Variants in RYR2 observed in about 807,000 individuals in gnomAD.
RYR2 encodes ryanodine receptor 2.
In RYR2, 227 loss-of-function variants were observed where a neutral mutation model predicts 601.1. That is an observed-to-expected ratio of 0.38 (90% CI 0.34 to 0.42). The LOEUF is 0.42. Among genes scored for constraint, RYR2 ranks in the 10% least tolerant of loss-of-function variants. RYR2 has a pLI of 1.00. For synonymous variants in RYR2, 2,223 were observed against 2,175.1 expected (o/e 1.02, Z -0.61); for missense variants, 4,646 against 6,156.5 (o/e 0.75, Z 8.21).
At chr1:237,760,006 T>C (rs1487361146) in intron 83 of RYR2, among the ~76,000 whole-genome samples, 154 bp downstream of exon 83, 1 of 152,122 alleles carries the variant, frequency 6.6e-6, no homozygotes, top group Non-Finnish European at 1.5e-5. Flanking sequence ...GTTTTCTATC[T>C]TGTTTTAAGG....
At chr1:237,438,278 C>G (rs1326271215) in intron 12 of RYR2, among the ~76,000 whole-genome samples, 1 of 151,994 alleles carries the variant, frequency 6.6e-6, no homozygotes, top group Non-Finnish European at 1.5e-5. Context: ...GGATCTGGGC[C>G]ATCTTTGCAT....
At chr1:237,507,546 G>A (rs986626515) in intron 23 of RYR2, among the ~76,000 whole-genome samples, 3 of 152,096 alleles carry the variant, frequency 2.0e-5, no homozygotes, top group African/African-American at 7.2e-5. Context: ...TTATTGCATT[G>A]AGCTCTGAAT....
At position 237,614,945 on chromosome 1, in the gene RYR2, C is replaced by A; in HGVS notation, c.5715+102C>A. 1 of 1,194,514 alleles carries A rather than the reference C, an allele frequency of 8.4e-7. No individual in the cohort carries two copies. Among genetic ancestry groups the A allele is most frequent in the Non-Finnish European group, 1.2e-6 (1 of 867,980 alleles). The allele number at this position is 1,194,514 out of a possible 1,614,324, so 74.0% of individuals were successfully genotyped here. On this transcript the variant is annotated intron_variant, in intron 37 of 104. Transcript: ENST00000366574. The surrounding 1 kb of genome is among the most constrained non-coding windows in gnomAD (Gnocchi z 4.3). The stretch of plus-strand genomic sequence containing the variant: ...CTCTGTGTGTGTGTTTATTTCTTTG[C>A]ATTCCTGTGTAATGGTAGTTCTTCA...
intron 101 of RYR2, among the ~76,000 whole-genome samples, chr1:237,824,416 A>G (rs200849766): frequency 6.6e-4 from 101 of 152,336 alleles, no homozygotes; most frequent in East Asian, 9.6e-4. Flanking sequence ...AACAGAACCA[A>G]TGACAAAAAC....
At chr1:237,243,749 A>C (rs1686465557) in intron 1 of RYR2, among the ~76,000 whole-genome samples, 1 of 152,208 alleles carries the variant, frequency 6.6e-6, no homozygotes, top group South Asian at 2.1e-4. Context: ...CTGTTTCTTG[A>C]GGCCTGCTCC....
intron 101 of RYR2, among the ~76,000 whole-genome samples, chr1:237,823,417 T>C (rs1380723427): frequency 6.6e-6 from 1 of 152,154 alleles, no homozygotes; most frequent in Non-Finnish European, 1.5e-5. Flanking sequence ...AACAACCTGC[T>C]CCTGAATGAC....
Position 237,709,098 on chromosome 1 carries a change from G to C in RYR2, c.10142G>C (p.Arg3381Thr), listed in dbSNP as rs1060500154. The C allele has an allele frequency of 6.4e-7, 1 of 1,560,040 alleles. No individual in the cohort carries two copies. The highest frequency in any genetic ancestry group is 1.4e-5 in the African/African-American group (1 of 72,350). The change falls in exon 69 of 105, where the codon AGG (arginine) becomes ACG (threonine). Residue 3381 changes from arginine to threonine, a missense_variant and splice_region_variant. Around this residue, in one of 17 missense-constraint regions of RYR2, gnomAD observed 1,497 missense variants for 1,842.6 expected, o/e 0.81. Transcript: ENST00000366574. The stretch of plus-strand genomic sequence containing the variant: ...TTGATTAGATTTGTGGACTATAACA[G>C]GTATGATCAAAAGTAATTTAGTAAT... ...PLLIRFVDYN[R>T]AKWLKEPNPE...
Position 237,589,923 on chromosome 1 carries a change from A to C in RYR2, c.3729A>C (p.Thr1243=), listed in dbSNP as rs536080941. The C allele has an allele frequency of 7.2e-5, 116 of 1,613,950 alleles. No homozygotes were observed. In the South Asian group the frequency reaches 1.2e-3, roughly 16 times the overall value. ...GCTATGAACCATTTGCCGTTAATAC[A>C]AACAGGGATATTACCATGTGGCTGA... The part of the protein sequence containing the change: ...QEGYEPFAVN[T]NRDITMWLSK... The change falls in exon 30 of 105, where the codon ACA becomes ACC. Residue 1243 remains threonine (T), a synonymous_variant. Transcript: ENST00000366574.
At chr1:237,760,361 TAAAAAAAAAAA>T (rs34435442) in intron 83 of RYR2, among the ~76,000 whole-genome samples, 121 of 100,128 alleles carry the variant, frequency 1.2e-3, no homozygotes, top group African/African-American at 4.4e-3. Flanking sequence ...GTCGCTAATT[TAAAAAAAAAAA>T]AAAAAAAAAA....
chr1:237,453,793 A>G (rs976607667), intron 14 of RYR2, among the ~76,000 whole-genome samples: 2 of 152,210 alleles, frequency 1.3e-5, no homozygotes, highest in African/African-American at 2.4e-5. Context: ...TGCCAGTAAT[A>G]TATCTTTCTT....
Position 237,549,980 on chromosome 1 carries a change from T to C in RYR2, c.3067-564T>C, listed in dbSNP as rs1029511389. Among the ~76,000 whole-genome samples the C allele has an allele frequency of 3.3e-5, 5 of 152,210 alleles. No individual in the cohort carries two copies. In the South Asian group the frequency reaches 6.2e-4, roughly 19 times the overall value. ...TTTAACATTGGAGCCTCTCGTACAATAGACAAGTTATGGGTTTCATAGTCA... is the reference window on the plus strand; with the variant it reads ...TTTAACATTGGAGCCTCTCGTACAACAGACAAGTTATGGGTTTCATAGTCA... On this transcript the variant is annotated intron_variant, in intron 26 of 104. Coordinates refer to ENST00000366574, the MANE Select transcript of RYR2 (RefSeq NM_001035.3).
intron 17 of RYR2, among the ~76,000 whole-genome samples, chr1:237,483,681 G>A (rs7532373): frequency 9.1e-4 from 139 of 152,268 alleles, no homozygotes; most frequent in African/African-American, 3.2e-3. Flanking sequence ...TGCAAATGTC[G>A]TTCATGTTCT....
At chr1:237,563,024 C>T (rs150691262) in intron 27 of RYR2, among the ~76,000 whole-genome samples, 2 of 152,272 alleles carry the variant, frequency 1.3e-5, no homozygotes, top group East Asian at 1.9e-4. Context: ...CCAGATTTCA[C>T]TTTGTATTAG....
intron 1 of RYR2, among the ~76,000 whole-genome samples, chr1:237,113,484 G>T (rs1481498740): frequency 6.6e-6 from 1 of 152,230 alleles, no homozygotes; most frequent in Non-Finnish European, 1.5e-5. Context: ...ACAGGCATGA[G>T]CCATCGTGTC....
At chr1:237,138,377 TTTG>T (rs1162304588) in intron 1 of RYR2, among the ~76,000 whole-genome samples, 2 of 152,142 alleles carry the variant, frequency 1.3e-5, no homozygotes, top group African/African-American at 2.4e-5. Context: ...TATTACTGAT[TTTG>T]TTGTTGTTCT....
At chr1:237,474,284 CATATATAT>C (rs1553465107) in intron 17 of RYR2, among the ~76,000 whole-genome samples, 1 of 48,578 alleles carries the variant, frequency 2.1e-5, no homozygotes. Context: ...CACACACACA[CATATATAT>C]ATATACACAC....
intron 29 of RYR2, among the ~76,000 whole-genome samples, chr1:237,586,052 T>G (rs1842086): frequency 0.51 from 77,646 of 151,994 alleles, 20,336 homozygotes; most frequent in South Asian, 0.68. Flanking sequence ...ACCTCCTTTT[T>G]AACTTAATAT....
intron 94 of RYR2, 43 bp downstream of exon 94, chr1:237,792,366 T>TGCGCGC (rs1553327293): frequency 9.9e-6 from 8 of 805,182 alleles, no homozygotes; most frequent in African/African-American, 7.1e-5. Context: ...TGTGTGTGTG[T>TGCGCGC]GTGTGTGTGT....
At chr1:237,457,261 A>G (rs1231030376) in intron 16 of RYR2, among the ~76,000 whole-genome samples, 2 of 152,038 alleles carry the variant, frequency 1.3e-5, no homozygotes, top group East Asian at 1.9e-4. Flanking sequence ...TCTTCTCTCT[A>G]TTCTTTATAT....
Sources: gnomAD v4.1 joint callset for allele counts (sites outside exome capture counted in the v4.1 genomes callset) on GRCh38, gnomAD v4.1.1 for gene constraint, gnomAD v4.1.1 regional missense constraint, Gnocchi (gnomAD v3.1) non-coding constraint, MANE v1.5 for transcripts, NCBI Gene and HGNC (gene_info 2026-07-23, HGNC 2026-07-21) for gene names.